The following ZNF407 variants were observed in gnomAD, a reference collection of about 807,000 sequenced individuals.
The protein encoded by ZNF407 is zinc finger protein 407.
ZNF407 carries 17 observed loss-of-function variants against 131.2 expected under a neutral mutation model. The observed-to-expected ratio is 0.13, with a 90% CI of 0.09 to 0.19. The LOEUF is 0.19. Ranked by LOEUF, ZNF407 falls within the 10% of genes least tolerant of loss-of-function variation. The pLI is 1.00. For synonymous variants in ZNF407, 1,156 were observed against 1,062.0 expected (o/e 1.09, Z -1.72); for missense variants, 2,681 against 2,830.6 (o/e 0.95, Z 1.20).
intron 3 of ZNF407, among the ~76,000 whole-genome samples, chr18:74,677,683 A>G (rs114461473): frequency 6.6e-6 from 1 of 152,238 alleles, no homozygotes; most frequent in African/African-American, 2.4e-5. Flanking sequence ...CAGTTTACCA[A>G]TCTCAGTCCT....
chr18:74,866,637 A>T, intron 4 of ZNF407, among the ~76,000 whole-genome samples: 1 of 151,986 alleles, frequency 6.6e-6, no homozygotes, highest in East Asian at 1.9e-4. Flanking sequence ...GTATGAGTCT[A>T]TGAAACACTT....
At position 75,063,956 on chromosome 18, in the gene ZNF407, A is replaced by T; in HGVS notation, c.6235A>T (p.Met2079Leu). ...GCGGGCACAGGTGGCCTTCAAGAAG[A>T]TGGTCCAGGGCGTCCTCCAGTTTGC... ...QERAQVAFKK[M>L]VQGVLQFAVC... The change falls in exon 9 of 9, where the codon ATG becomes TTG. Residue 2079 changes from methionine (M) to leucine (L), a missense_variant. Met to Leu is a conservative substitution (Grantham distance 15, BLOSUM62 2). Coordinates refer to ENST00000299687, the MANE Select transcript of ZNF407 (RefSeq NM_017757.3). The surrounding 1 kb of genome is among the most constrained non-coding windows in gnomAD (Gnocchi z 6.6). 1 of 1,613,626 alleles carries T rather than the reference A, an allele frequency of 6.2e-7. No homozygotes were observed. The highest frequency in any genetic ancestry group is 8.5e-7 in the Non-Finnish European group (1 of 1,179,842).
intron 8 of ZNF407, among the ~76,000 whole-genome samples, chr18:74,955,331 T>C (rs1426959267): frequency 2.0e-5 from 3 of 151,956 alleles, no homozygotes; most frequent in African/African-American, 7.3e-5. Context: ...TTGGTGCCAG[T>C]AGAGAAGGGA....
chr18:74,893,534 G>A (rs943201141), intron 7 of ZNF407, among the ~76,000 whole-genome samples: 8 of 151,972 alleles, frequency 5.3e-5, no homozygotes, highest in Non-Finnish European at 7.4e-5. Context: ...AATATGGTTC[G>A]AACAGATATC....
At chr18:74,649,055 A>C (rs1037130320) in intron 3 of ZNF407, among the ~76,000 whole-genome samples, 2 of 152,232 alleles carry the variant, frequency 1.3e-5, no homozygotes, top group Non-Finnish European at 2.9e-5. Flanking sequence ...TCTGTTGTCT[A>C]AGTAGCAAAG....
intron 8 of ZNF407, among the ~76,000 whole-genome samples, chr18:75,039,222 G>A (rs1023811947): frequency 2.6e-5 from 4 of 152,236 alleles, no homozygotes; most frequent in African/African-American, 9.6e-5. Context: ...AAAATCTACC[G>A]CTTCCACTTC....
intron 3 of ZNF407, among the ~76,000 whole-genome samples, chr18:74,643,143 A>T (rs962498074): frequency 6.6e-6 from 1 of 152,090 alleles, no homozygotes; most frequent in African/African-American, 2.4e-5. Flanking sequence ...AAAGTAAAAA[A>T]CATAAAAAAG....
At chr18:74,881,886 C>T (rs987213838) in intron 6 of ZNF407, among the ~76,000 whole-genome samples, 1 of 152,184 alleles carries the variant, frequency 6.6e-6, no homozygotes, top group South Asian at 2.1e-4. Flanking sequence ...AACAGTTCCA[C>T]GTGGCTCAGG....
intron 4 of ZNF407, among the ~76,000 whole-genome samples, chr18:74,812,934 T>C (rs547994475): frequency 1.3e-5 from 2 of 152,258 alleles, no homozygotes; most frequent in Non-Finnish European, 2.9e-5. Context: ...GATTTTTTCA[T>C]GTAGACTACA....
chr18:74,631,652 G>T lies in ZNF407; in HGVS notation c.633G>T (p.Gln211His), dbSNP rs1226350672. The T allele has an allele frequency of 6.2e-7, 1 of 1,613,944 alleles. No individual in the cohort carries two copies. Among genetic ancestry groups the T allele is most frequent in the Non-Finnish European group, 8.5e-7 (1 of 1,179,896 alleles). ...LEKHAESHMQQPKEHTCCHCS... is the reference protein window; with the variant it reads ...LEKHAESHMQHPKEHTCCHCS... ...AACATGCTGAGTCTCACATGCAGCA[G>T]CCTAAGGAACATACCTGTTGTCACT... Residue 211 changes from glutamine to histidine, a missense_variant, in exon 2 of 9, where the codon CAG (glutamine) becomes CAT (histidine). Physicochemically the swap from Gln to His is conservative, Grantham distance 24. This residue lies in a region of ZNF407 where 1,789 missense variants were observed against 1,748.7 expected (regional missense o/e 1.02). Coordinates refer to ENST00000299687, the MANE Select transcript of ZNF407 (RefSeq NM_017757.3).
intron 4 of ZNF407, among the ~76,000 whole-genome samples, chr18:74,809,739 A>C (rs1022504746): frequency 6.6e-6 from 1 of 152,226 alleles, no homozygotes; most frequent in African/African-American, 2.4e-5. Flanking sequence ...TACCCTTTGC[A>C]CATACATACA....
At chr18:74,861,470 C>G (rs1268644964) in intron 4 of ZNF407, among the ~76,000 whole-genome samples, 1 of 152,216 alleles carries the variant, frequency 6.6e-6, no homozygotes. Flanking sequence ...GTGTCAGTCA[C>G]TCATTCCTTG....
At chr18:74,732,256 T>C (rs1461154507) in intron 3 of ZNF407, among the ~76,000 whole-genome samples, 2 of 152,096 alleles carry the variant, frequency 1.3e-5, no homozygotes, top group Non-Finnish European at 2.9e-5. Flanking sequence ...GTAGACTGTC[T>C]TGTGTTTCCC....
intron 8 of ZNF407, among the ~76,000 whole-genome samples, chr18:75,047,740 T>C (rs987661935): frequency 6.6e-6 from 1 of 152,252 alleles, no homozygotes; most frequent in African/African-American, 2.4e-5. Context: ...CAAATGGACA[T>C]ATATAAAAGC....
At chr18:74,673,342 G>A (rs186960871) in intron 3 of ZNF407, among the ~76,000 whole-genome samples, 9 of 152,264 alleles carry the variant, frequency 5.9e-5, no homozygotes, top group Non-Finnish European at 1.3e-4. Context: ...GAGCTCTAGG[G>A]CTCAGTCCAC....
chr18:75,000,225 C>T (rs1599286925), intron 8 of ZNF407, among the ~76,000 whole-genome samples: 2 of 152,270 alleles, frequency 1.3e-5, no homozygotes, highest in East Asian at 3.9e-4. Flanking sequence ...ACTGGATGCT[C>T]ATTTGTACCT....
chr18:74,716,146 G>T (rs897144003), intron 3 of ZNF407, among the ~76,000 whole-genome samples: 8 of 152,180 alleles, frequency 5.3e-5, no homozygotes, highest in Admixed American at 1.3e-4. Context: ...CTTTTGGCAG[G>T]TTTTTAATTT....
At chr18:74,654,039 C>T (rs1985343945) in intron 3 of ZNF407, among the ~76,000 whole-genome samples, 1 of 151,696 alleles carries the variant, frequency 6.6e-6, no homozygotes, top group African/African-American at 2.4e-5. Context: ...TTAGCAATAA[C>T]AGACATGAAA....
chr18:75,058,747 C>T (rs1973590739), intron 8 of ZNF407, among the ~76,000 whole-genome samples: 1 of 152,192 alleles, frequency 6.6e-6, no homozygotes, highest in Non-Finnish European at 1.5e-5. Context: ...CTAGAAAGAG[C>T]TCAAAACTGG....
Sources: gnomAD v4.1 joint callset for allele counts (sites outside exome capture counted in the v4.1 genomes callset) on GRCh38, gnomAD v4.1.1 for gene constraint, gnomAD v4.1.1 regional missense constraint, Gnocchi (gnomAD v3.1) non-coding constraint, MANE v1.5 for transcripts, NCBI Gene and HGNC (gene_info 2026-07-23, HGNC 2026-07-21) for gene names.